The following ELFN1 variants were observed in gnomAD, a reference collection of about 807,000 sequenced individuals.
The protein encoded by ELFN1 is protein ELFN1.
A neutral mutation model predicts 7.6 loss-of-function variants in ELFN1; 6 were observed. The observed-to-expected ratio is 0.79, with a 90% CI of 0.43 to 1.56. The LOEUF (loss-of-function observed/expected upper bound fraction) is 1.56, where lower values mean the gene tolerates loss of function less well. ELFN1 is among the 40% of genes most tolerant of loss of function. The pLI, the probability that ELFN1 is intolerant of heterozygous loss-of-function variation, is 0.01. For missense variants in ELFN1, 1,169 were observed against 1,232.2 expected (o/e 0.95, Z 0.77); for synonymous variants, 657 against 588.1 (o/e 1.12, Z -1.70).
Position 1,673,049 on chromosome 7 carries a change from G to A in ELFN1, c.-549+2695G>A, listed in dbSNP as rs1012958897. 2.0e-5 allele frequency among the ~76,000 whole-genome samples: 3 copies of A among 151,896 alleles called. No homozygotes were observed. Among genetic ancestry groups the A allele is most frequent in the Non-Finnish European group, 2.9e-5 (2 of 68,004 alleles). ...TGAACCTGGAGCGGATGGTGGCACC[G>A]CCGCGGACATTGGATACATTTGTCA... On this transcript the variant is annotated intron_variant, in intron 1 of 3. Coordinates refer to ENST00000424383, the MANE Select transcript of ELFN1 (RefSeq NM_001128636.4). The surrounding 1 kb of genome is among the most constrained non-coding windows in gnomAD (Gnocchi z 4.7).
Position 1,735,824 on chromosome 7 carries a change from C to T in ELFN1, c.-293-8480C>T, listed in dbSNP as rs541120213. Among the ~76,000 whole-genome samples the T allele has an allele frequency of 3.3e-5, 5 of 152,262 alleles. No homozygotes were observed. In the South Asian group the frequency reaches 1.0e-3, roughly 32 times the overall value. ...GCACCCCCTTGTACCCAGCATCATG[C>T]CAGGAGCCTTCAGTAACTGGTGATG... On this transcript the variant is annotated intron_variant, in intron 3 of 3. Coordinates refer to ENST00000424383, the MANE Select transcript of ELFN1 (RefSeq NM_001128636.4). This position sits in a 1 kb window ranked among gnomAD's most constrained non-coding sequence, Gnocchi z 5.9.
At chr7:1,693,334 G>C in intron 2 of ELFN1, 1 of 461,532 alleles carries the variant, frequency 2.2e-6, no homozygotes, top group Non-Finnish European at 4.6e-6. Flanking sequence ...GATTCCAAGA[G>C]TCTGGGCAGG....
intron 3 of ELFN1, among the ~76,000 whole-genome samples, chr7:1,728,880 T>C (rs1217260406): frequency 6.6e-6 from 1 of 152,174 alleles, no homozygotes; most frequent in Non-Finnish European, 1.5e-5. Flanking sequence ...CACCATCGCA[T>C]CTCACTGTCG....
rs899819556 is a variant in ELFN1 at position 1,745,331 on chromosome 7, A to C, written c.735A>C (p.Lys245Asn). 1 of 1,539,596 alleles carries C rather than the reference A, an allele frequency of 6.5e-7. No individual in the cohort carries two copies. The highest frequency in any genetic ancestry group is 8.7e-7 in the Non-Finnish European group (1 of 1,146,712). ...GCGGCCACCGCAGCATCCTCAGCAA[A>C]CTGCAGTCAGTCTGCACCGAGGACT... ...GRRGHRSILS[K>N]LQSVCTEDSY... The change falls in exon 4 of 4, where the codon AAA (lysine) becomes AAC (asparagine). Residue 245 changes from lysine (K) to asparagine (N), a missense_variant. Lys to Asn is a moderately conservative substitution (Grantham distance 94). Coordinates refer to ENST00000424383, the MANE Select transcript of ELFN1 (RefSeq NM_001128636.4).
At chr7:1,711,621 A>AGG (rs1779659979) in intron 3 of ELFN1, among the ~76,000 whole-genome samples, 1 of 132,028 alleles carries the variant, frequency 7.6e-6, no homozygotes, top group Non-Finnish European at 1.7e-5. Context: ...AGAGAGAGAG[A>AGG]GAGAGAATGA....
rs375038585 is a variant in ELFN1, at chr7:1,709,713, A to T, written c.-294+461A>T. Among the ~76,000 whole-genome samples the T allele has an allele frequency of 2.6e-5, 4 of 152,394 alleles. No individual in the cohort carries two copies. In the South Asian group the frequency reaches 8.3e-4, roughly 32 times the overall value. On this transcript the variant is annotated intron_variant, in intron 3 of 3. Transcript: ENST00000424383. ...AATATTGACTTGCAGTATGTATTTG[A>T]AGCAGGTTCTTGTCTGGAAAAATAT...
In ELFN1 at chr7:1,744,608, T is replaced by C. The variant is rs1780721929; in HGVS notation, c.12T>C (p.Arg4=). Residue 4 remains arginine, a synonymous_variant, in exon 4 of 4, where the codon CGT becomes CGC. Coordinates refer to ENST00000424383, the MANE Select transcript of ELFN1 (RefSeq NM_001128636.4). ...GCAGGGCGGTCCCGATGGCCGGGCG[T>C]GGGTGGGGCGCGCTGTGGGTGTGCG... is the stretch of plus-strand genomic sequence containing the variant. The part of the protein sequence containing the change: MAG[R]GWGALWVCVA... 1 of 1,530,166 alleles carries C rather than the reference T, an allele frequency of 6.5e-7. No individual in the cohort carries two copies. Among genetic ancestry groups the C allele is most frequent in the African/African-American group, 1.4e-5 (1 of 72,378 alleles). 94.8% of individuals were successfully genotyped at this position (1,530,166 alleles called of 1,614,324 possible).
intron 2 of ELFN1, among the ~76,000 whole-genome samples, chr7:1,688,562 T>A (rs1036840703): frequency 1.3e-5 from 2 of 152,214 alleles, no homozygotes; most frequent in Non-Finnish European, 2.9e-5. Context: ...ATCCAGTTGA[T>A]TTTACCCCTT....
chr7:1,676,493 A>T (rs916666282), intron 1 of ELFN1, among the ~76,000 whole-genome samples: 16 of 152,098 alleles, frequency 1.1e-4, no homozygotes, highest in African/African-American at 3.9e-4. Context: ...GGGTGGATGG[A>T]TGGCTGTGGG....
intron 2 of ELFN1, among the ~76,000 whole-genome samples, chr7:1,696,687 C>T (rs1779320878): frequency 6.6e-6 from 1 of 152,150 alleles, no homozygotes; most frequent in Admixed American, 6.5e-5. Flanking sequence ...CTCGTGTGAG[C>T]CACGGTGCCC....
intron 2 of ELFN1, chr7:1,692,021 C>T (rs1334426631): frequency 6.6e-6 from 1 of 152,236 alleles, no homozygotes; most frequent in Non-Finnish European, 1.5e-5. Context: ...CTCACGTGCC[C>T]AGGATGGCCA....
intron 1 of ELFN1, among the ~76,000 whole-genome samples, chr7:1,674,716 G>T (rs1448857387): frequency 1.3e-5 from 2 of 152,146 alleles, no homozygotes; most frequent in Non-Finnish European, 2.9e-5. Context: ...GGAGAGACTG[G>T]TGGAAGGGAC....
chr7:1,680,898 T>C (rs1048622850), intron 1 of ELFN1, among the ~76,000 whole-genome samples: 8 of 151,988 alleles, frequency 5.3e-5, no homozygotes, highest in African/African-American at 1.9e-4. Context: ...CCCACCACCA[T>C]GCCTGGATAG....
chr7:1,709,126 T>G lies in ELFN1; in HGVS notation c.-420T>G, dbSNP rs1049948701. ...CTTGGCGACCATTTGTCCTACAGTT[T>G]GTCCGGACCCAGGCTGTCCTTCTGT... On this transcript the variant is annotated 5_prime_UTR_variant, in exon 3 of 4. Transcript: ENST00000424383. 1 of 152,278 alleles carries G rather than the reference T, an allele frequency of 6.6e-6. No individual in the cohort carries two copies. The highest frequency in any genetic ancestry group is 2.4e-5 in the African/African-American group (1 of 41,452). The allele number at this position is 152,278 out of a possible 1,614,324, so 9.4% of individuals were successfully genotyped here.
chr7:1,713,204 G>C (rs1779716171), intron 3 of ELFN1, among the ~76,000 whole-genome samples: 1 of 152,196 alleles, frequency 6.6e-6, no homozygotes, highest in South Asian at 2.1e-4. Context: ...CCAGGCTGCA[G>C]ACTCTGTGCT....
intron 2 of ELFN1, among the ~76,000 whole-genome samples, chr7:1,696,113 G>C (rs1186373681): frequency 6.6e-6 from 1 of 152,178 alleles, no homozygotes; most frequent in Non-Finnish European, 1.5e-5. Context: ...AGGAGGGCCA[G>C]TGTCCTGGTT....
At chr7:1,724,590 G>C (rs1350229615) in intron 3 of ELFN1, among the ~76,000 whole-genome samples, 1 of 152,188 alleles carries the variant, frequency 6.6e-6, no homozygotes, top group Admixed American at 6.5e-5. Context: ...ACCAGGTGAG[G>C]ACAGAGCTTG....
chr7:1,729,080 G>GCCACTGCCAGCTT (rs1423388789), intron 3 of ELFN1, among the ~76,000 whole-genome samples: 1 of 152,212 alleles, frequency 6.6e-6, no homozygotes, highest in Non-Finnish European at 1.5e-5. Context: ...CCGCGGAGCT[G>GCCACTGCCAGCTT]CCACTGCCAG....
chr7:1,722,006 C>T (rs1170654047), intron 3 of ELFN1, among the ~76,000 whole-genome samples: 7 of 152,092 alleles, frequency 4.6e-5, no homozygotes, highest in South Asian at 2.1e-4. Context: ...ACAACAGGTG[C>T]GAAGTGGACG....
Sources: allele counts gnomAD v4.1 joint callset (sites outside exome capture counted in the v4.1 genomes callset), GRCh38; gene constraint gnomAD v4.1.1; non-coding constraint Gnocchi (gnomAD v3.1); transcripts MANE v1.5; gene names NCBI Gene and HGNC (gene_info 2026-07-23, HGNC 2026-07-21).